FAAP20: variants seen among roughly 807,000 people sequenced by gnomAD.
The protein encoded by FAAP20 is Fanconi anemia core complex-associated protein 20.
Under a neutral mutation model 16.2 loss-of-function variants are expected in FAAP20, and 12 were observed. The observed-to-expected ratio is 0.74, with a 90% CI of 0.48 to 1.20. FAAP20 has a LOEUF of 1.20. FAAP20 is among the 50% of genes most tolerant of loss of function. The probability of loss-of-function intolerance (pLI) is 0.00; values close to 1 mark genes in which losing one functional copy is unlikely to be tolerated. For missense variants in FAAP20, 288 were observed against 245.8 expected (o/e 1.17, Z -1.15); for synonymous variants, 141 against 110.7 (o/e 1.27, Z -1.72).
At position 2,194,701 on chromosome 1, in the gene FAAP20, G is replaced by C; in HGVS notation, c.49C>G (p.Arg17Gly). Reference sequence around the variant, plus strand: ...TCCCGGCCTCACCCGCCCGCCGGGCGCGGCCTCCGGCGGCTCAACCCCAGC... The same window carrying C: ...TCCCGGCCTCACCCGCCCGCCGGGCCCGGCCTCCGGCGGCTCAACCCCAGC... ...PRLGLSRRRP[R>G]PAGGPSGGRP... The change falls in exon 1 of 4, where the codon CGC (arginine) becomes GGC (glycine). Residue 17 changes from arginine (R) to glycine (G), a missense_variant. Transcript: ENST00000378546. 8.5e-7 allele frequency: 1 copy of C among 1,171,646 alleles called. No individual in the cohort carries two copies. Among genetic ancestry groups the C allele is most frequent in the Non-Finnish European group, 1.1e-6 (1 of 951,224 alleles). The allele number at this position is 1,171,646 out of a possible 1,614,324, so 72.6% of individuals were successfully genotyped here.
At chr1:2,210,938 G>A (rs1027628447), downstream of FAAP20, among the ~76,000 whole-genome samples, 17 of 152,226 alleles carry the variant, frequency 1.1e-4, no homozygotes, top group African/African-American at 3.9e-4. Context: ...TGGGCTTAGC[G>A]ACTGCTGCCC....
chr1:2,190,450 C>T (rs1400503933), intron 3 of FAAP20: 2 of 443,894 alleles, frequency 4.5e-6, no homozygotes, highest in Admixed American at 2.4e-5. Context: ...CCAGTGGGGC[C>T]GGGAGGGGTG....
rs751987451 is a variant in FAAP20 at position 2,193,963 on chromosome 1, CCCCTTCATCGCTAAGATGGG to C, written c.198+15_198+34del. On this transcript the variant is annotated intron_variant, in intron 2 of 3. Coordinates refer to ENST00000378546, the MANE Select transcript of FAAP20 (RefSeq NM_182533.4). ...CCAGCGATGGCTCCCGCCCTGGAAA[CCCCTTCATCGCTAAGATGGG>C]CCCAGTGGGCACACCTGTCCTGGGA... is the stretch of plus-strand genomic sequence containing the variant. The C allele has an allele frequency of 6.7e-5, 108 of 1,612,264 alleles. 3 individuals carry two copies. In the South Asian group the frequency reaches 1.2e-3, roughly 18 times the overall value.
At position 2,192,322 on chromosome 1, in the gene FAAP20, A is replaced by C. The variant is rs1688322705; in HGVS notation, c.470+1317T>G. ...GCTCTCCCTTACGATCAAGTGTTCGAATGTGCTTGAAGCATTCCAGACACA... is the reference window on the plus strand; with the variant it reads ...GCTCTCCCTTACGATCAAGTGTTCGCATGTGCTTGAAGCATTCCAGACACA... On this transcript the variant is annotated intron_variant, in intron 3 of 3. Coordinates refer to ENST00000378546, the MANE Select transcript of FAAP20 (RefSeq NM_182533.4). 8.1e-6 allele frequency: 8 copies of C among 987,178 alleles called. No homozygotes were observed. The South Asian group carries it at 2.8e-4, about 35-fold the overall frequency. 61.2% of individuals were successfully genotyped at this position (987,178 alleles called of 1,614,324 possible). A position where few individuals can be genotyped will look rare whatever the true frequency, so the allele number is the denominator to read the frequency against.
upstream of FAAP20, chr1:2,198,780 C>G: frequency 7.8e-7 from 1 of 1,289,110 alleles, no homozygotes; most frequent in Non-Finnish European, 1.0e-6. Flanking sequence ...CCAAAAGGCC[C>G]GGGCAGCCTT....
upstream of FAAP20, among the ~76,000 whole-genome samples, chr1:2,201,721 C>CA (rs979039645): frequency 1.0e-4 from 15 of 148,546 alleles, no homozygotes; most frequent in South Asian, 2.1e-4. Flanking sequence ...AACTCCAACT[C>CA]AAAAAAAACA....
At chr1:2,194,781 G>A, upstream of FAAP20, 1 of 1,149,980 alleles carries the variant, frequency 8.7e-7, no homozygotes, top group Non-Finnish European at 1.1e-6. Context: ...GTGAGCGCAA[G>A]CCCCGCCCCC....
chr1:2,184,724 T>C (rs773337704), downstream of FAAP20: 8 of 1,595,634 alleles, frequency 5.0e-6, no homozygotes, highest in Middle Eastern at 1.7e-4. Context: ...TGCGGGTCCC[T>C]GGAGCACCCC....
chr1:2,187,303 CTT>C, downstream of FAAP20: 3 of 341,314 alleles, frequency 8.8e-6, no homozygotes, highest in Non-Finnish European at 1.2e-5. Context: ...TTTTCTTTTT[CTT>C]TTTTTTTTCT....
downstream of FAAP20, chr1:2,184,737 G>A (rs1226630568): frequency 5.1e-6 from 8 of 1,579,868 alleles, no homozygotes; most frequent in African/African-American, 2.7e-5. Context: ...AGCACCCCTC[G>A]GGCAGCCCCA....
At chr1:2,191,517 A>C (rs1049342323) in intron 3 of FAAP20, 24 of 152,372 alleles carry the variant, frequency 1.6e-4, no homozygotes, top group African/African-American at 5.8e-4. Context: ...GGAGGCCGAG[A>C]CGGGCGGATC....
chr1:2,193,193 C>G (rs1688442212), intron 3 of FAAP20: 1 of 322,974 alleles, frequency 3.1e-6, no homozygotes, highest in Non-Finnish European at 6.0e-6. Flanking sequence ...GGGTTCCATT[C>G]CCCTTTACTT....
chr1:2,201,097 A>G, upstream of FAAP20: 1 of 1,288,872 alleles, frequency 7.8e-7, no homozygotes, highest in African/African-American at 1.5e-5. Context: ...TGCTTGGTGC[A>G]TCCCCTGTGC....
chr1:2,199,348 A>G, upstream of FAAP20: 1 of 1,033,096 alleles, frequency 9.7e-7, no homozygotes, highest in Non-Finnish European at 1.2e-6. The surrounding 1 kb of genome is among the most constrained non-coding windows in gnomAD (Gnocchi z 4.5). Flanking sequence ...GGCTTTTATC[A>G]GCCCCAGATC....
intron 3 of FAAP20, chr1:2,193,105 T>C: frequency 1.0e-6 from 1 of 965,312 alleles, no homozygotes; most frequent in Non-Finnish European, 1.4e-6. Context: ...CAGGACCTGC[T>C]CCGGAGGCCA....
intron 3 of FAAP20, chr1:2,192,113 G>T (rs755098015): frequency 1.5e-5 from 15 of 985,464 alleles, no homozygotes; most frequent in Non-Finnish European, 1.8e-5. Context: ...GACCAAGTCC[G>T]GCTGTTAGAC....
upstream of FAAP20, among the ~76,000 whole-genome samples, chr1:2,201,750 G>A (rs1689057924): frequency 6.6e-6 from 1 of 151,692 alleles, no homozygotes; most frequent in Non-Finnish European, 1.5e-5. Context: ...GGGCGCGGTG[G>A]CTCATGCCTG....
At chr1:2,209,868 C>T (rs1291557927), downstream of FAAP20, among the ~76,000 whole-genome samples, 1 of 152,208 alleles carries the variant, frequency 6.6e-6, no homozygotes. Context: ...CAGAGCTTGT[C>T]GGAGGAGGCG....
At chr1:2,196,108 C>T (rs1688810912), upstream of FAAP20, among the ~76,000 whole-genome samples, 1 of 152,216 alleles carries the variant, frequency 6.6e-6, no homozygotes, top group Non-Finnish European at 1.5e-5. The surrounding 1 kb of genome is among the most constrained non-coding windows in gnomAD (Gnocchi z 4.5). Flanking sequence ...TGGCAGGTGC[C>T]AGCTGACCAA....
Sources: gnomAD v4.1 joint callset for allele counts (sites outside exome capture counted in the v4.1 genomes callset) on GRCh38, gnomAD v4.1.1 for gene constraint, Gnocchi (gnomAD v3.1) non-coding constraint, MANE v1.5 for transcripts, NCBI Gene and HGNC (gene_info 2026-07-23, HGNC 2026-07-21) for gene names.